The following BCL9 variants were observed in gnomAD, a reference collection of about 807,000 sequenced individuals.
The protein encoded by BCL9 is B-cell CLL/lymphoma 9 protein.
In BCL9, 25 loss-of-function variants were observed where a neutral mutation model predicts 88.5. The ratio of observed to expected loss-of-function variants is 0.28; its 90% CI spans 0.21 to 0.39. The LOEUF (loss-of-function observed/expected upper bound fraction) is 0.39, where lower values mean the gene tolerates loss of function less well. Ranked by LOEUF, BCL9 falls within the 10% of genes least tolerant of loss-of-function variation. The pLI, the probability that BCL9 is intolerant of heterozygous loss-of-function variation, is 1.00. For missense variants in BCL9, 1,817 were observed against 1,877.8 expected, an observed-to-expected ratio of 0.97 and a Z score of 0.60; for synonymous variants, 711 against 673.3, an observed-to-expected ratio of 1.06 and a Z score of -0.87.
chr1:147,599,487 G>GC (rs199922173), intron 1 of BCL9, among the ~76,000 whole-genome samples: 3,585 of 134,326 alleles, frequency 0.027, 192 homozygotes, highest in African/African-American at 0.12. Context: ...GCCTTTCCTG[G>GC]CCCCCCGCCC....
chr1:147,614,327 C>A (rs1658156072), intron 5 of BCL9, 100 bp from the exon 6 acceptor site: 14 of 1,187,056 alleles, frequency 1.2e-5, no homozygotes, highest in Non-Finnish European at 1.7e-5. Flanking sequence ...GGTGGTACTT[C>A]CTTGAAATTC....
intron 1 of BCL9, among the ~76,000 whole-genome samples, chr1:147,573,084 C>T (rs1039581008): frequency 6.6e-6 from 1 of 152,168 alleles, no homozygotes; most frequent in Non-Finnish European, 1.5e-5. Flanking sequence ...TTGGGGTGAG[C>T]ATCTTATTCT....
At chr1:147,544,230 C>T (rs781984011) in intron 1 of BCL9, among the ~76,000 whole-genome samples, 3 of 152,240 alleles carry the variant, frequency 2.0e-5, no homozygotes, top group South Asian at 2.1e-4. Context: ...AGTATTATGA[C>T]GGAGTGCATA....
chr1:147,600,752 G>T (rs782700806), intron 1 of BCL9, among the ~76,000 whole-genome samples: 3 of 146,054 alleles, frequency 2.1e-5, no homozygotes, highest in Non-Finnish European at 4.5e-5. Flanking sequence ...GATGGATAGA[G>T]GTAAAGGGGA....
chr1:147,615,940 T>A, intron 7 of BCL9, 38 bp downstream of exon 7: 9 of 1,561,090 alleles, frequency 5.8e-6, no homozygotes, highest in Non-Finnish European at 6.2e-6. Flanking sequence ...GTTTAATGAT[T>A]CTACAGTGAC....
chr1:147,578,141 C>T (rs587746841), intron 1 of BCL9, among the ~76,000 whole-genome samples: 13 of 152,240 alleles, frequency 8.5e-5, no homozygotes, highest in African/African-American at 2.6e-4. Flanking sequence ...CTCCTGCTGG[C>T]GAATGACTGT....
chr1:147,625,036 G>A lies in BCL9; in HGVS notation c.*77G>A. The A allele has an allele frequency of 2.0e-6, 3 of 1,522,520 alleles. No individual in the cohort carries two copies. The highest frequency in any genetic ancestry group is 2.7e-6 in the Non-Finnish European group (3 of 1,126,828). The allele number at this position is 1,522,520 out of a possible 1,614,324, so 94.3% of individuals were successfully genotyped here. A position where few individuals can be genotyped will look rare whatever the true frequency, so the allele number is the denominator to read the frequency against. On this transcript the variant is annotated 3_prime_UTR_variant, in exon 10 of 10. Coordinates refer to ENST00000234739, the MANE Select transcript of BCL9 (RefSeq NM_004326.4). ...GAGAGCTGCTTTGAGGGAGTTCCAG[G>A]AGTACTTACTATTGGTCATGCAATA... is the stretch of plus-strand genomic sequence containing the variant.
intron 5 of BCL9, among the ~76,000 whole-genome samples, chr1:147,614,123 A>G (rs1658146280): frequency 6.6e-6 from 1 of 152,188 alleles, no homozygotes; most frequent in African/African-American, 2.4e-5. Flanking sequence ...GAGAAGTTAG[A>G]GGGCTGTGAG....
intron 3 of BCL9, among the ~76,000 whole-genome samples, chr1:147,607,796 A>T (rs893580514): frequency 3.9e-5 from 6 of 152,196 alleles, no homozygotes; most frequent in Admixed American, 3.3e-4. Context: ...GAGGAAGGCT[A>T]TACACAGAAT....
chr1:147,624,521 C>T lies in BCL9; in HGVS notation c.3843C>T (p.Ala1281=). Residue 1281 remains alanine, a synonymous_variant, in exon 10 of 10, where the codon GCC becomes GCT. Coordinates refer to ENST00000234739, the MANE Select transcript of BCL9 (RefSeq NM_004326.4). This position sits in a 1 kb window ranked among gnomAD's most constrained non-coding sequence, Gnocchi z 4.4. ...SHMQGMMGEQ[A]PRMGLALPGM... is the part of the protein sequence containing the mutation. ...TGCAGGGGATGATGGGCGAACAAGC[C>T]CCCAGAATGGGACTAGCATTACCTG... The T allele has an allele frequency of 6.2e-7, 1 of 1,614,134 alleles. No homozygotes were observed. Among genetic ancestry groups the T allele is most frequent in the Non-Finnish European group, 8.5e-7 (1 of 1,180,018 alleles).
intron 2 of BCL9, among the ~76,000 whole-genome samples, chr1:147,606,051 A>T (rs782168667): frequency 1.3e-5 from 2 of 152,204 alleles, no homozygotes; most frequent in Non-Finnish European, 2.9e-5. Context: ...GCCCTAAGAC[A>T]GTCTGCAACT....
In BCL9 at chr1:147,625,659, T is replaced by G. The variant is rs1570929740; in HGVS notation, c.*700T>G. 4 of 231,798 alleles carry G rather than the reference T, an allele frequency of 1.7e-5. No homozygotes were observed. Among genetic ancestry groups the G allele is most frequent in the Non-Finnish European group, 3.4e-5 (4 of 116,980 alleles). 14.4% of individuals were successfully genotyped at this position (231,798 alleles called of 1,614,324 possible). A position where few individuals can be genotyped will look rare whatever the true frequency, so the allele number is the denominator to read the frequency against. ...ATTTGTTTTTCAGTTCAAGTGCTCTTCAGCACTGTCTTGTCTCCCAATATA... is the reference window on the plus strand; with the variant it reads ...ATTTGTTTTTCAGTTCAAGTGCTCTGCAGCACTGTCTTGTCTCCCAATATA... On this transcript the variant is annotated 3_prime_UTR_variant, in exon 10 of 10. Transcript: ENST00000234739.
chr1:147,594,799 CA>C (rs1215405897), intron 1 of BCL9, among the ~76,000 whole-genome samples: 1 of 152,090 alleles, frequency 6.6e-6, no homozygotes, highest in Non-Finnish European at 1.5e-5. Context: ...CCATATTGGA[CA>C]GAGCATTTTG....
intron 1 of BCL9, among the ~76,000 whole-genome samples, chr1:147,593,445 A>G (rs1397635056): frequency 6.6e-6 from 1 of 151,974 alleles, no homozygotes; most frequent in Non-Finnish European, 1.5e-5. Context: ...CTTATTGCAT[A>G]CTCTGACTCT....
At chr1:147,597,756 A>C (rs981688373) in intron 1 of BCL9, among the ~76,000 whole-genome samples, 9 of 152,214 alleles carry the variant, frequency 5.9e-5, no homozygotes, top group African/African-American at 2.2e-4. Flanking sequence ...ATTTCTATGG[A>C]ACCTCTAACC....
intron 1 of BCL9, among the ~76,000 whole-genome samples, chr1:147,548,946 G>A (rs918071969): frequency 6.8e-6 from 1 of 146,766 alleles, no homozygotes. Flanking sequence ...AAAGCATTTC[G>A]TATACTCTCA....
Position 147,624,352 on chromosome 1 carries a change from G to A in BCL9, c.3674G>A (p.Arg1225Gln), listed in dbSNP as rs113081863. 1.9e-3 allele frequency: 3,141 copies of A among 1,614,158 alleles called. 11 individuals carry two copies. Among genetic ancestry groups the A allele is most frequent in the Non-Finnish European group, 2.5e-3 (2,924 of 1,180,028 alleles). Residue 1225 changes from arginine (R) to glutamine (Q), a missense_variant, in exon 10 of 10, where the codon CGA becomes CAA. By Grantham distance (43) the Arg-to-Gln change is conservative. This residue lies in a region of BCL9 where 589 missense variants were observed against 686.2 expected (regional missense o/e 0.86). Coordinates refer to ENST00000234739, the MANE Select transcript of BCL9 (RefSeq NM_004326.4). The surrounding 1 kb of genome is among the most constrained non-coding windows in gnomAD (Gnocchi z 4.4). The part of the protein sequence containing the change: ...FTDPDLQEVI[R>Q]PGATGIPEFD... Reference sequence around the variant, plus strand: ...GACCCAGATCTGCAGGAGGTCATCCGACCTGGAGCCACCGGAATACCTGAG... The same window carrying A: ...GACCCAGATCTGCAGGAGGTCATCCAACCTGGAGCCACCGGAATACCTGAG...
rs587706610 is a variant in BCL9 at position 147,619,995 on chromosome 1, G to A, written c.1840G>A (p.Gly614Ser). The A allele has an allele frequency of 3.6e-5, 58 of 1,614,046 alleles. No individual in the cohort carries two copies. Among genetic ancestry groups the A allele is most frequent in the South Asian group, 3.5e-4 (32 of 91,088 alleles). The change falls in exon 8 of 10, where the codon GGT (glycine) becomes AGT (serine). Residue 614 changes from glycine to serine, a missense_variant. By Grantham distance (56) the Gly-to-Ser change is moderately conservative. Around this residue, in one of 2 missense-constraint regions of BCL9, gnomAD observed 1,228 missense variants for 1,191.6 expected, o/e 1.03. Transcript: ENST00000234739. This position sits in a 1 kb window ranked among gnomAD's most constrained non-coding sequence, Gnocchi z 4.1. ...NFPPGQGIFS[G>S]PGRGERFPNP... ...TCCTCCTGGCCAGGGCATTTTCAGC[G>A]GTCCTGGCCGAGGGGAACGCTTCCC...
chr1:147,601,876 G>GTATTT (rs1227494383), intron 1 of BCL9, among the ~76,000 whole-genome samples: 1 of 152,072 alleles, frequency 6.6e-6, no homozygotes, highest in Non-Finnish European at 1.5e-5. Flanking sequence ...AAGAGAAATT[G>GTATTT]TATTTTATTT....
Sources: gnomAD v4.1 joint callset for allele counts (sites outside exome capture counted in the v4.1 genomes callset) on GRCh38, gnomAD v4.1.1 for gene constraint, gnomAD v4.1.1 regional missense constraint, Gnocchi (gnomAD v3.1) non-coding constraint, MANE v1.5 for transcripts, NCBI Gene and HGNC (gene_info 2026-07-23, HGNC 2026-07-21) for gene names.